The following PLAAT1 variants were observed in gnomAD, a reference collection of about 807,000 sequenced individuals.
PLAAT1 encodes the protein H-REV107 protein-related protein.
PLAAT1 carries 13 observed loss-of-function variants against 16.4 expected under a neutral mutation model. The observed-to-expected ratio is 0.79, with a 90% CI of 0.52 to 1.26. The LOEUF is 1.26. Among genes scored for constraint, PLAAT1 ranks in the 50% most tolerant of loss-of-function variants. PLAAT1 has a pLI of 0.00. For missense variants in PLAAT1, 218 were observed against 207.8 expected (o/e 1.05, Z -0.30); for synonymous variants, 73 against 78.4 (o/e 0.93, Z 0.36).
downstream of PLAAT1, chr3:193,275,159 A>C (rs748479704): frequency 1.2e-6 from 2 of 1,614,078 alleles, no homozygotes; most frequent in Admixed American, 3.3e-5. Context: ...TTTTGCCATC[A>C]CCTGAATAAT....
chr3:193,255,416 A>G (rs1427994224), intron 1 of PLAAT1, among the ~76,000 whole-genome samples: 1 of 152,186 alleles, frequency 6.6e-6, no homozygotes, highest in Non-Finnish European at 1.5e-5. Flanking sequence ...TCGGGATGAG[A>G]AGCATTACTA....
chr3:193,247,505 C>G (rs1459095901), intron 1 of PLAAT1, among the ~76,000 whole-genome samples: 1 of 152,166 alleles, frequency 6.6e-6, no homozygotes, highest in Admixed American at 6.5e-5. Context: ...TGAGAACATT[C>G]CTTTTGCTTA....
At position 193,255,638 on chromosome 3, in the gene PLAAT1, T is replaced by A. The variant is rs1716346000; in HGVS notation, c.1-13T>A. ...TTGTATTAGCTAGCTCTTCTTTGTA[T>A]TTGTCATTGCAGATGGCGTTTAATG... On this transcript the variant is annotated splice_polypyrimidine_tract_variant and intron_variant, in intron 1 of 3. Transcript: ENST00000264735. 6.3e-7 allele frequency: 1 copy of A among 1,597,578 alleles called. No individual in the cohort carries two copies. The highest frequency in any genetic ancestry group is 8.5e-7 in the Non-Finnish European group (1 of 1,170,334).
intron 3 of PLAAT1, among the ~76,000 whole-genome samples, chr3:193,267,264 C>A (rs1452208231): frequency 6.6e-6 from 1 of 152,058 alleles, no homozygotes; most frequent in Admixed American, 6.6e-5. Context: ...GTTACGAATT[C>A]TATGGTTTGG....
chr3:193,253,052 A>G (rs372250309), intron 1 of PLAAT1, among the ~76,000 whole-genome samples: 15 of 152,196 alleles, frequency 9.9e-5, no homozygotes, highest in African/African-American at 3.6e-4. Flanking sequence ...TTATGGTTCT[A>G]TTTGATATGT....
intron 1 of PLAAT1, among the ~76,000 whole-genome samples, chr3:193,254,268 CATTA>C (rs1009315055): frequency 1.3e-5 from 2 of 152,132 alleles, no homozygotes; most frequent in African/African-American, 4.8e-5. Flanking sequence ...ACCCTTCTAA[CATTA>C]ATTGTTATAA....
chr3:193,267,952 G>GAGC (rs1716836678), intron 3 of PLAAT1, among the ~76,000 whole-genome samples: 1 of 152,098 alleles, frequency 6.6e-6, no homozygotes, highest in Non-Finnish European at 1.5e-5. Flanking sequence ...ATGTAATTTT[G>GAGC]AGCATCTTTT....
At chr3:193,256,655 A>G (rs1387551848) in intron 2 of PLAAT1, among the ~76,000 whole-genome samples, 18 of 152,212 alleles carry the variant, frequency 1.2e-4, no homozygotes, top group Admixed American at 1.2e-3. Flanking sequence ...ATAAGAATAT[A>G]GTGAAATGAA....
In PLAAT1 at chr3:193,257,726, G is replaced by A. The variant is rs142003277; in HGVS notation, c.139+1937G>A. Reference sequence around the variant, plus strand: ...AAGGAGACTAACATTTGAGTCAGTGGGCTAGGAGAGACAGACCCACCCTCA... The same window carrying A: ...AAGGAGACTAACATTTGAGTCAGTGAGCTAGGAGAGACAGACCCACCCTCA... On this transcript the variant is annotated intron_variant, in intron 2 of 3. Coordinates refer to ENST00000264735, the MANE Select transcript of PLAAT1 (RefSeq NM_020386.5). Among the ~76,000 whole-genome samples the A allele has an allele frequency of 2.5e-3, 375 of 152,202 alleles. 2 individuals carry two copies. The highest frequency in any genetic ancestry group is 3.4e-3 in the Non-Finnish European group (229 of 67,998).
chr3:193,244,270 G>A (rs973389228), intron 1 of PLAAT1, among the ~76,000 whole-genome samples: 13 of 152,190 alleles, frequency 8.5e-5, no homozygotes, highest in African/African-American at 3.1e-4. Flanking sequence ...AAGTACAGTT[G>A]CTGGATTATA....
chr3:193,272,061 G>GA (rs1448913488), downstream of PLAAT1, among the ~76,000 whole-genome samples: 6 of 152,008 alleles, frequency 3.9e-5, no homozygotes, highest in Admixed American at 2.6e-4. Context: ...CTCCTACCAG[G>GA]AACTAATGAG....
chr3:193,280,237 T>C (rs1717424193), downstream of PLAAT1, among the ~76,000 whole-genome samples: 2 of 151,984 alleles, frequency 1.3e-5, no homozygotes, highest in African/African-American at 2.4e-5. Flanking sequence ...GTATTTTCCA[T>C]AGAGATGGGG....
downstream of PLAAT1, chr3:193,275,027 C>T (rs768355687): frequency 1.6e-5 from 26 of 1,613,288 alleles, no homozygotes; most frequent in Admixed American, 3.2e-4. Context: ...TGAGCATGTA[C>T]GACGACAATT....
downstream of PLAAT1, chr3:193,270,881 C>T (rs1271615094): frequency 6.2e-6 from 8 of 1,292,600 alleles, no homozygotes; most frequent in African/African-American, 1.0e-4. Flanking sequence ...AATTTTTTTC[C>T]CCTGCTAGCA....
At chr3:193,279,459 G>A (rs200154717), downstream of PLAAT1, 38 of 1,607,880 alleles carry the variant, frequency 2.4e-5, no homozygotes, top group Admixed American at 6.2e-4. Context: ...ATATATCTGA[G>A]GAAATACCAA....
intron 2 of PLAAT1, among the ~76,000 whole-genome samples, chr3:193,258,458 C>T: frequency 7.5e-6 from 1 of 133,768 alleles, no homozygotes; most frequent in East Asian, 2.2e-4. Context: ...GCAAAATTAA[C>T]AAAACAAAGA....
intron 2 of PLAAT1, among the ~76,000 whole-genome samples, chr3:193,257,992 A>G (rs1332188412): frequency 6.6e-6 from 1 of 152,110 alleles, no homozygotes; most frequent in Non-Finnish European, 1.5e-5. Context: ...CTGTCAGCTT[A>G]CCTACTTTTG....
downstream of PLAAT1, chr3:193,281,185 C>T: frequency 1.0e-6 from 1 of 985,290 alleles, no homozygotes. Flanking sequence ...TTTTCATTTA[C>T]TTCATGGATT....
chr3:193,254,697 C>G (rs2108788319), intron 1 of PLAAT1, among the ~76,000 whole-genome samples: 1 of 152,206 alleles, frequency 6.6e-6, no homozygotes, highest in African/African-American at 2.4e-5. Context: ...TCCAAGTTGT[C>G]CTGCGTCTGC....
Sources: allele counts gnomAD v4.1 joint callset (sites outside exome capture counted in the v4.1 genomes callset), GRCh38; gene constraint gnomAD v4.1.1; transcripts MANE v1.5; gene names NCBI Gene and HGNC (gene_info 2026-07-23, HGNC 2026-07-21).